Variants in RBM6 observed in about 807,000 individuals in gnomAD.
RBM6 encodes RNA binding motif protein 6.
A neutral mutation model predicts 140.4 loss-of-function variants in RBM6; 23 were observed. That is an observed-to-expected ratio of 0.16 (90% CI 0.12 to 0.23). The LOEUF (loss-of-function observed/expected upper bound fraction) is 0.23. RBM6 is among the 10% of genes least tolerant of loss of function. The pLI, the probability that RBM6 is intolerant of heterozygous loss-of-function variation, is 1.00. For missense variants in RBM6, 1,139 were observed against 1,386.7 expected (o/e 0.82, Z 2.84); for synonymous variants, 439 against 475.6 (o/e 0.92, Z 1.00).
intron 5 of RBM6, among the ~76,000 whole-genome samples, chr3:49,993,330 AT>A (rs1484666271): frequency 6.6e-6 from 1 of 152,218 alleles, no homozygotes; most frequent in African/African-American, 2.4e-5. Flanking sequence ...ACAGAATAAA[AT>A]AAGATAGATC....
intron 6 of RBM6, among the ~76,000 whole-genome samples, chr3:50,040,742 G>A (rs910166755): frequency 5.3e-5 from 8 of 150,300 alleles, no homozygotes; most frequent in East Asian, 2.0e-4. Flanking sequence ...CTGCAGCCTC[G>A]ACCTCACAGG....
chr3:50,075,925 C>T (rs116854135), intron 20 of RBM6, among the ~76,000 whole-genome samples: 1 of 152,070 alleles, frequency 6.6e-6, no homozygotes, highest in African/African-American at 2.4e-5. Context: ...GCATCACCAC[C>T]CACCTTAATT....
intron 5 of RBM6, among the ~76,000 whole-genome samples, chr3:49,995,057 G>T (rs1328375327): frequency 6.6e-6 from 1 of 152,174 alleles, no homozygotes; most frequent in Non-Finnish European, 1.5e-5. Flanking sequence ...TAGGGGCAGA[G>T]ATTGAAGAGT....
At chr3:50,061,390 GTTC>G in intron 13 of RBM6, 69 bp from the exon 14 acceptor site, 1 of 1,580,076 alleles carries the variant, frequency 6.3e-7, no homozygotes. Context: ...TAATTCTTGG[GTTC>G]TTGATGAGTC....
chr3:49,988,955 G>GA (rs5848910), intron 5 of RBM6, among the ~76,000 whole-genome samples: 17 of 151,236 alleles, frequency 1.1e-4, no homozygotes, highest in Non-Finnish European at 1.9e-4. Context: ...TCAAAAAAAA[G>GA]AAAAAAAAAT....
chr3:50,008,731 A>G (rs1232294442), intron 6 of RBM6, among the ~76,000 whole-genome samples: 4 of 151,776 alleles, frequency 2.6e-5, no homozygotes, highest in African/African-American at 7.3e-5. Context: ...TGTTTATTTT[A>G]GTAGAGATGG....
chr3:49,959,518 T>G (rs992971884), intron 1 of RBM6, among the ~76,000 whole-genome samples: 2 of 150,348 alleles, frequency 1.3e-5, no homozygotes, highest in African/African-American at 4.9e-5. Flanking sequence ...CCCTATTTTT[T>G]GAAAGACAGT....
intron 10 of RBM6, 167 bp from the exon 11 acceptor site, chr3:50,059,482 G>A: frequency 1.9e-6 from 1 of 528,708 alleles, no homozygotes. Context: ...AAAGTTGCCT[G>A]TTTCTGCCAG....
At chr3:49,949,926 T>C (rs2108580912) in intron 1 of RBM6, among the ~76,000 whole-genome samples, 1 of 152,250 alleles carries the variant, frequency 6.6e-6, no homozygotes, top group Non-Finnish European at 1.5e-5. Context: ...TTTCGCCATA[T>C]TGGCCAGGCT....
At chr3:50,003,425 C>G (rs2086436157) in intron 6 of RBM6, among the ~76,000 whole-genome samples, 1 of 151,822 alleles carries the variant, frequency 6.6e-6, no homozygotes, top group Non-Finnish European at 1.5e-5. Flanking sequence ...CTTAGTAGAG[C>G]CTGAGTGTGT....
At chr3:50,009,494 A>G (rs2086744531) in intron 6 of RBM6, among the ~76,000 whole-genome samples, 1 of 152,172 alleles carries the variant, frequency 6.6e-6, no homozygotes, top group Non-Finnish European at 1.5e-5. Context: ...TGCATAGATT[A>G]TGTGTGCACA....
At chr3:50,049,574 T>TTA (rs1332682388) in intron 7 of RBM6, among the ~76,000 whole-genome samples, 1 of 152,128 alleles carries the variant, frequency 6.6e-6, no homozygotes, top group African/African-American at 2.4e-5. Flanking sequence ...AGTAAAGACT[T>TTA]TAGCTTGACA....
intron 5 of RBM6, among the ~76,000 whole-genome samples, chr3:49,988,052 G>A (rs527800348): frequency 5.3e-4 from 81 of 152,310 alleles, no homozygotes; most frequent in African/African-American, 1.8e-3. Flanking sequence ...GGGAAATGAT[G>A]GTGTTATATC....
rs181154597 is a variant in RBM6 at position 50,004,739 on chromosome 3, C to G, written c.1557+5226C>G. Reference sequence around the variant, plus strand: ...GGCTTAAGCAATCCTCTCACCTCAGCCTTCTGAGTAGCTGGACTACAGGCA... The same window carrying G: ...GGCTTAAGCAATCCTCTCACCTCAGGCTTCTGAGTAGCTGGACTACAGGCA... On this transcript the variant is annotated intron_variant, in intron 6 of 20. Transcript: ENST00000266022. Among the ~76,000 whole-genome samples the G allele has an allele frequency of 7.9e-5, 12 of 152,146 alleles. No homozygotes were observed. The East Asian group carries it at 2.3e-3, about 29-fold the overall frequency.
chr3:50,055,656 C>G (rs1174017526), intron 8 of RBM6, among the ~76,000 whole-genome samples: 1 of 152,162 alleles, frequency 6.6e-6, no homozygotes, highest in African/African-American at 2.4e-5. Context: ...TTCTCCCACT[C>G]CTACTTCTTT....
intron 1 of RBM6, among the ~76,000 whole-genome samples, chr3:49,941,640 C>CAAAAAAAAAAA (rs1171636981): frequency 1.4e-4 from 8 of 58,726 alleles, no homozygotes; most frequent in African/African-American, 4.3e-4. Context: ...AACTCTGTCT[C>CAAAAAAAAAAA]AAAAAAAAAA....
intron 7 of RBM6, 150 bp from the exon 8 acceptor site, chr3:50,054,185 T>C (rs2089605226): frequency 1.5e-6 from 1 of 660,130 alleles, no homozygotes; most frequent in Non-Finnish European, 2.7e-6. Context: ...CCAGCTCTAA[T>C]CAGTGGGGAA....
intron 6 of RBM6, among the ~76,000 whole-genome samples, chr3:50,017,339 C>T (rs557064248): frequency 6.6e-5 from 10 of 152,038 alleles, no homozygotes; most frequent in African/African-American, 1.9e-4. Context: ...GGGTGGATCA[C>T]GAGGTCAGGA....
At chr3:50,061,344 G>A in intron 13 of RBM6, 118 bp from the exon 14 acceptor site, 2 of 1,584,152 alleles carry the variant, frequency 1.3e-6, no homozygotes, top group Non-Finnish European at 1.7e-6. Flanking sequence ...TCCAGAGAGA[G>A]GCATCTGTAG....
Sources: gnomAD v4.1 joint callset for allele counts (sites outside exome capture counted in the v4.1 genomes callset) on GRCh38, gnomAD v4.1.1 for gene constraint, MANE v1.5 for transcripts, NCBI Gene and HGNC (gene_info 2026-07-23, HGNC 2026-07-21) for gene names.